CEP63: variants seen among roughly 807,000 people sequenced by gnomAD.
CEP63 encodes centrosomal protein 63.
In CEP63, 84 loss-of-function variants were observed where a neutral mutation model predicts 89.1. That is an observed-to-expected ratio of 0.94 (90% CI 0.79 to 1.13). The LOEUF is 1.13. Ranked by LOEUF, CEP63 falls within the 50% of genes most tolerant of loss-of-function variation. CEP63 has a pLI of 0.00. For missense variants in CEP63, 838 were observed against 813.3 expected (o/e 1.03, Z -0.37); for synonymous variants, 267 against 272.5 (o/e 0.98, Z 0.20).
rs145659407 is a variant in CEP63 at position 134,563,035 on chromosome 3, G to C, written c.*1500G>C. On this transcript the variant is annotated 3_prime_UTR_variant, in exon 15 of 15. Transcript: ENST00000675561. The stretch of plus-strand genomic sequence containing the variant: ...GTCTTAGATACCTAGCTGCTTATGC[G>C]ATGTCTTCACTTGGATATCTGACAA... The C allele has an allele frequency of 6.6e-6, 1 of 152,208 alleles. No homozygotes were observed. Among genetic ancestry groups the C allele is most frequent in the Non-Finnish European group, 1.5e-5 (1 of 68,104 alleles). 9.4% of individuals were successfully genotyped at this position (152,208 alleles called of 1,614,324 possible).
chr3:134,713,764 A>G, the CEP63 span, among the ~76,000 whole-genome samples: 1 of 152,314 alleles, frequency 6.6e-6, no homozygotes, highest in East Asian at 1.9e-4. Flanking sequence ...TCCTGGCTTC[A>G]CCACTTACTC....
rs575081914 is a variant in CEP63 at position 134,545,453 on chromosome 3, G to A, written c.556-133G>A. On this transcript the variant is annotated intron_variant, in intron 6 of 14. Transcript: ENST00000675561. ...CCTCTCAATTCTTTCTTACCCCTTC[G>A]CAATATATATATATATATTTTAGTG... 52 of 577,936 alleles carry A rather than the reference G, an allele frequency of 9.0e-5. No individual in the cohort carries two copies. In the African/African-American group the frequency reaches 1.9e-3, roughly 21 times the overall value. The allele number at this position is 577,936 out of a possible 1,614,324, so 35.8% of individuals were successfully genotyped here.
chr3:134,577,431 C>CCTTTTT (rs774150066), downstream of CEP63, among the ~76,000 whole-genome samples: 1 of 86,326 alleles, frequency 1.2e-5, no homozygotes, highest in Non-Finnish European at 2.0e-5. Context: ...TTCTAATCCA[C>CCTTTTT]TTTTTTTTTT....
the CEP63 span, among the ~76,000 whole-genome samples, chr3:134,681,509 G>C: frequency 6.6e-6 from 1 of 152,188 alleles, no homozygotes; most frequent in Non-Finnish European, 1.5e-5. Flanking sequence ...AGCTGTGATT[G>C]GTAGTAAAAT....
chr3:134,660,375 A>G, the CEP63 span, among the ~76,000 whole-genome samples: 3 of 152,246 alleles, frequency 2.0e-5, no homozygotes, highest in African/African-American at 7.2e-5. Flanking sequence ...CACAGGGGAT[A>G]GTTGAGTGGT....
At chr3:134,773,866 T>G in the CEP63 span, among the ~76,000 whole-genome samples, 1 of 152,210 alleles carries the variant, frequency 6.6e-6, no homozygotes, top group Non-Finnish European at 1.5e-5. Flanking sequence ...TCATCTGAAA[T>G]GATCTTACTC....
At chr3:134,655,485 T>C in the CEP63 span, among the ~76,000 whole-genome samples, 2 of 152,204 alleles carry the variant, frequency 1.3e-5, no homozygotes, top group Non-Finnish European at 2.9e-5. Context: ...GGATAAACCT[T>C]TGCATTATCT....
chr3:134,702,265 A>G, the CEP63 span, among the ~76,000 whole-genome samples: 1 of 152,198 alleles, frequency 6.6e-6, no homozygotes, highest in East Asian at 1.9e-4. Flanking sequence ...GGAAGAATCA[A>G]TATCAGGAAA....
In CEP63 at chr3:134,564,243, A is replaced by G. The variant is rs1310938244; in HGVS notation, c.*2708A>G. On this transcript the variant is annotated 3_prime_UTR_variant, in exon 15 of 15. Transcript: ENST00000675561. ...GGAGAGGCTCAGCTAGTTTGAACCAATGGAAAATGCCATTCCTGAGGTGCA... is the reference window on the plus strand; with the variant it reads ...GGAGAGGCTCAGCTAGTTTGAACCAGTGGAAAATGCCATTCCTGAGGTGCA... 3 of 985,280 alleles carry G rather than the reference A, an allele frequency of 3.0e-6. No homozygotes were observed. Among genetic ancestry groups the G allele is most frequent in the East Asian group, 1.1e-4 (1 of 8,816 alleles). 61.0% of individuals were successfully genotyped at this position (985,280 alleles called of 1,614,324 possible). A position where few individuals can be genotyped will look rare whatever the true frequency, so the allele number is the denominator to read the frequency against.
At chr3:134,702,780 C>G in the CEP63 span, among the ~76,000 whole-genome samples, 1 of 152,098 alleles carries the variant, frequency 6.6e-6, no homozygotes, top group African/African-American at 2.4e-5. Context: ...CCGTCTCACA[C>G]CAGTCAGAAT....
chr3:134,716,059 C>T, the CEP63 span, among the ~76,000 whole-genome samples: 32 of 152,284 alleles, frequency 2.1e-4, no homozygotes, highest in South Asian at 1.2e-3. Context: ...TCCCCGACTC[C>T]TGTCTCCCTG....
chr3:134,598,072 T>C, the CEP63 span: 1 of 152,232 alleles, frequency 6.6e-6, no homozygotes, highest in Non-Finnish European at 1.5e-5. Flanking sequence ...AGTAGTGAAG[T>C]AGGCCGAGGC....
chr3:134,591,042 G>C (rs1368375427), downstream of CEP63, among the ~76,000 whole-genome samples: 1 of 152,156 alleles, frequency 6.6e-6, no homozygotes, highest in Non-Finnish European at 1.5e-5. Flanking sequence ...GTCCCTCACT[G>C]GGTGGAGCAC....
the CEP63 span, among the ~76,000 whole-genome samples, chr3:134,660,455 A>C: frequency 1.3e-5 from 2 of 152,254 alleles, no homozygotes; most frequent in Non-Finnish European, 2.9e-5. Context: ...TGGTAAGGTC[A>C]CGTAGTTCAG....
At chr3:134,749,484 G>A in the CEP63 span, among the ~76,000 whole-genome samples, 1 of 151,952 alleles carries the variant, frequency 6.6e-6, no homozygotes, top group Admixed American at 6.5e-5. Flanking sequence ...GTGGGGAGGA[G>A]AATGGAAGGA....
chr3:134,729,384 C>G, the CEP63 span, among the ~76,000 whole-genome samples: 1 of 152,206 alleles, frequency 6.6e-6, no homozygotes, highest in Non-Finnish European at 1.5e-5. Flanking sequence ...TCTTTTCTCA[C>G]TAAAATAAAG....
the CEP63 span, among the ~76,000 whole-genome samples, chr3:134,641,736 C>T: frequency 8.5e-5 from 13 of 152,234 alleles, no homozygotes; most frequent in East Asian, 2.1e-3. Flanking sequence ...ACCCCATACC[C>T]GCACACACCC....
chr3:134,726,455 G>GACACACACAC, the CEP63 span, among the ~76,000 whole-genome samples: 84 of 51,106 alleles, frequency 1.6e-3, 1 homozygote, highest in African/African-American at 3.5e-3. Context: ...CAGGCACACA[G>GACACACACAC]ACAGACACAC....
At chr3:134,577,238 CA>C (rs1028947012), downstream of CEP63, among the ~76,000 whole-genome samples, 2 of 110,494 alleles carry the variant, frequency 1.8e-5, no homozygotes, top group Non-Finnish European at 3.9e-5. Context: ...GAACCAAAGC[CA>C]AAAAACTTCT....
Sources: gnomAD v4.1 joint callset for allele counts (sites outside exome capture counted in the v4.1 genomes callset) on GRCh38, gnomAD v4.1.1 for gene constraint, MANE v1.5 for transcripts, NCBI Gene and HGNC (gene_info 2026-07-23, HGNC 2026-07-21) for gene names.